Variants in SLC6A15 observed in about 807,000 individuals in gnomAD.
The protein encoded by SLC6A15 is sodium-dependent neutral amino acid transporter B(0)AT2.
SLC6A15 carries 33 observed loss-of-function variants against 68.5 expected under a neutral mutation model. The ratio of observed to expected loss-of-function variants is 0.48; its 90% confidence interval spans 0.37 to 0.64. SLC6A15 has a LOEUF of 0.64. Among genes scored for constraint, SLC6A15 ranks in the 30% least tolerant of loss-of-function variants. The pLI is 0.00. For synonymous variants in SLC6A15, 347 were observed against 301.0 expected (o/e 1.15, Z -1.58); for missense variants, 747 against 874.3 (o/e 0.85, Z 1.84).
rs2120677237 is a variant in SLC6A15 at position 84,892,156 on chromosome 12, A to AG, written c.-37_-36insC. 1 of 1,538,890 alleles carries AG rather than the reference A, an allele frequency of 6.5e-7. No individual in the cohort carries two copies. The highest frequency in any genetic ancestry group is 1.4e-5 in the African/African-American group (1 of 71,484). ...GCGAAGTATTTAAAAAAAAAAAAAA[A>AG]AACTCCCTTATGGCAAATGTGTTAA... On this transcript the variant is annotated 5_prime_UTR_variant, in exon 2 of 12. Transcript: ENST00000266682.
At chr12:84,885,684 C>A (rs1872068040) in intron 3 of SLC6A15, 123 bp from the exon 4 acceptor site, 1 of 1,150,920 alleles carries the variant, frequency 8.7e-7, no homozygotes, top group Non-Finnish European at 1.2e-6. Context: ...TTATTTGGGA[C>A]ACATTATCTT....
intron 2 of SLC6A15, among the ~76,000 whole-genome samples, chr12:84,888,066 C>T (rs1345670317): frequency 1.4e-5 from 2 of 146,098 alleles, no homozygotes; most frequent in African/African-American, 5.3e-5. Flanking sequence ...CCCGTCTCTA[C>T]TAAAAAAATA....
intron 5 of SLC6A15, 52 bp from the exon 6 acceptor site, chr12:84,876,659 T>G: frequency 1.2e-6 from 1 of 826,342 alleles, no homozygotes; most frequent in Admixed American, 2.7e-5. Context: ...CATTTTTTTA[T>G]AGATAAGATT....
chr12:84,892,152 A>AAAAC lies in SLC6A15; in HGVS notation c.-33_-32insGTTT, dbSNP rs1565729769. The AAAAC allele has an allele frequency of 2.6e-6, 4 of 1,547,732 alleles. No homozygotes were observed. The African/African-American group carries it at 4.2e-5, about 16-fold the overall frequency. ...GTATGCGAAGTATTTAAAAAAAAAA[A>AAAAC]AAAAAACTCCCTTATGGCAAATGTG... On this transcript the variant is annotated 5_prime_UTR_variant, in exon 2 of 12. Transcript: ENST00000266682.
intron 1 of SLC6A15, among the ~76,000 whole-genome samples, chr12:84,895,456 T>TCTCTGC (rs1343633414): frequency 1.4e-5 from 2 of 146,422 alleles, no homozygotes; most frequent in African/African-American, 5.1e-5. Flanking sequence ...TTCAAGCAAT[T>TCTCTGC]CTCTGCCTCA....
At chr12:84,880,088 C>G (rs1871751089) in intron 5 of SLC6A15, among the ~76,000 whole-genome samples, 1 of 152,056 alleles carries the variant, frequency 6.6e-6, no homozygotes, top group South Asian at 2.1e-4. Flanking sequence ...ACACAGTTTC[C>G]TAATAAGTTA....
intron 2 of SLC6A15, among the ~76,000 whole-genome samples, chr12:84,889,156 C>G (rs2120663104): frequency 6.6e-6 from 1 of 152,272 alleles, no homozygotes; most frequent in Middle Eastern, 3.4e-3. Context: ...TTTGTCCAAT[C>G]ACATTTCTAT....
At chr12:84,884,604 C>T (rs1203705528) in intron 4 of SLC6A15, among the ~76,000 whole-genome samples, 1 of 152,072 alleles carries the variant, frequency 6.6e-6, no homozygotes, top group Non-Finnish European at 1.5e-5. Flanking sequence ...CCGCACCCAA[C>T]CCCTTATCAA....
At chr12:84,870,796 C>T in intron 8 of SLC6A15, 126 bp from the exon 9 acceptor site, 3 of 530,612 alleles carry the variant, frequency 5.7e-6, no homozygotes, top group Non-Finnish European at 6.5e-6. Context: ...TAGACATGCT[C>T]AAATCAGCTC....
At chr12:84,874,532 G>A (rs1661995477) in intron 6 of SLC6A15, 1 of 152,048 alleles carries the variant, frequency 6.6e-6, no homozygotes, top group Admixed American at 6.6e-5. Context: ...TAAGAACATA[G>A]GTAGATTCCA....
chr12:84,883,735 A>T (rs1871939237), intron 5 of SLC6A15, 124 bp downstream of exon 5: 1 of 1,602,206 alleles, frequency 6.2e-7, no homozygotes, highest in African/African-American at 1.3e-5. Context: ...TTTCACTAAT[A>T]TTTAACTACC....
At position 84,870,598 on chromosome 12, in the gene SLC6A15, A is replaced by T; in HGVS notation, c.1375T>A (p.Trp459Arg). The T allele has an allele frequency of 6.2e-7, 1 of 1,612,716 alleles. No homozygotes were observed. ...AMTHFPASPF[W>R]SVMFFLMLVN... ...AGCATGAGGAAAAACATCACTGACCAGAAGGGAGATGCAGGAAAATGTGTC... is the reference window on the plus strand; with the variant it reads ...AGCATGAGGAAAAACATCACTGACCTGAAGGGAGATGCAGGAAAATGTGTC... The change falls in exon 9 of 12, where the codon TGG (tryptophan) becomes AGG (arginine). Residue 459 changes from tryptophan (W) to arginine (R), a missense_variant. Coordinates refer to ENST00000266682, the MANE Select transcript of SLC6A15 (RefSeq NM_182767.6).
intron 1 of SLC6A15, among the ~76,000 whole-genome samples, chr12:84,908,915 A>T (rs11116651): frequency 0.18 from 27,694 of 151,972 alleles, 3,292 homozygotes; most frequent in African/African-American, 0.33. Flanking sequence ...TTAAAAAACT[A>T]CTGTATGATA....
At position 84,870,639 on chromosome 12, in the gene SLC6A15, G is replaced by A; in HGVS notation, c.1334C>T (p.Ala445Val). 1 of 1,611,472 alleles carries A rather than the reference G, an allele frequency of 6.2e-7. No homozygotes were observed. Among genetic ancestry groups the A allele is most frequent in the Non-Finnish European group, 8.5e-7 (1 of 1,178,726 alleles). Residue 445 changes from alanine to valine, a missense_variant, in exon 9 of 12, where the codon GCC (alanine) becomes GTC (valine). By Grantham distance (64) the Ala-to-Val change is moderately conservative. Transcript: ENST00000266682. ...AAAATGTGTCATCGCTTCTGTAAAG[G>A]CAATAAAAGCTAAGCCGGTCCCCTG... ...AVQGTGLAFIAFTEAMTHFPA... is the reference protein window; with the variant it reads ...AVQGTGLAFIVFTEAMTHFPA...
chr12:84,870,059 G>A (rs772607734), intron 9 of SLC6A15, among the ~76,000 whole-genome samples: 1 of 151,706 alleles, frequency 6.6e-6, no homozygotes, highest in Non-Finnish European at 1.5e-5. Flanking sequence ...ATATGAGAAC[G>A]GGATTTAGGT....
intron 1 of SLC6A15, among the ~76,000 whole-genome samples, chr12:84,908,265 C>CT (rs147783968): frequency 6.6e-6 from 1 of 152,004 alleles, no homozygotes; most frequent in African/African-American, 2.4e-5. Context: ...AAAATTAAGA[C>CT]TTTTTTTAAT....
chr12:84,903,583 G>T lies in SLC6A15; in HGVS notation c.-189+8940C>A, dbSNP rs1025246450. The stretch of plus-strand genomic sequence containing the variant: ...TATTTTCTCGGGAGGCTCTAGGGGA[G>T]AACATGAACCTTGCCTTCTCCAGTT... On this transcript the variant is annotated intron_variant, in intron 1 of 11. Transcript: ENST00000266682. 2.0e-5 allele frequency among the ~76,000 whole-genome samples: 3 copies of T among 152,040 alleles called. No homozygotes were observed. In the East Asian group the frequency reaches 5.8e-4, roughly 29 times the overall value.
intron 11 of SLC6A15, among the ~76,000 whole-genome samples, chr12:84,862,509 G>C (rs970118711): frequency 6.6e-6 from 1 of 152,164 alleles, no homozygotes; most frequent in African/African-American, 2.4e-5. Context: ...TTTGGTGAGA[G>C]AACGGATTTG....
intron 2 of SLC6A15, among the ~76,000 whole-genome samples, chr12:84,888,128 C>T (rs1238594709): frequency 9.3e-5 from 14 of 150,352 alleles, no homozygotes; most frequent in Non-Finnish European, 4.4e-5. Flanking sequence ...GCGTGGGCTG[C>T]GCGCCTGTGG....
Sources: gnomAD v4.1 joint callset for allele counts (sites outside exome capture counted in the v4.1 genomes callset) on GRCh38, gnomAD v4.1.1 for gene constraint, MANE v1.5 for transcripts, NCBI Gene and HGNC (gene_info 2026-07-23, HGNC 2026-07-21) for gene names.